TUBB1: variants seen among roughly 807,000 people sequenced by gnomAD.
TUBB1 encodes tubulin beta 1 class VI.
TUBB1 carries 28 observed loss-of-function variants against 22.6 expected under a neutral mutation model. The observed-to-expected ratio is 1.24, with a 90% CI of 0.92 to 1.70. TUBB1 has a LOEUF of 1.70. TUBB1 is among the 40% of genes most tolerant of loss of function. The pLI is 0.00. For missense variants in TUBB1, 577 were observed against 605.5 expected, an observed-to-expected ratio of 0.95 and a Z score of 0.49; for synonymous variants, 226 against 238.0, an observed-to-expected ratio of 0.95 and a Z score of 0.46.
At chr20:59,019,676 TA>T in intron 1 of TUBB1, 97 bp downstream of exon 1, 2 of 1,281,074 alleles carry the variant, frequency 1.6e-6, no homozygotes, top group Non-Finnish European at 2.3e-6. Flanking sequence ...ACAATAAGTC[TA>T]GCAGATTTAA....
chr20:59,018,410 G>A (rs1184655438), upstream of TUBB1, among the ~76,000 whole-genome samples: 4 of 151,058 alleles, frequency 2.6e-5, no homozygotes, highest in African/African-American at 9.7e-5. Context: ...ATGAGGGAAT[G>A]CTTTTTTTTT....
In TUBB1 at chr20:59,024,327, G is replaced by C. The variant is rs1303676205; in HGVS notation, c.900G>C (p.Met300Ile). The change falls in exon 4 of 4, where the codon ATG (methionine) becomes ATC (isoleucine). Residue 300 changes from methionine (M) to isoleucine (I), a missense_variant. By Grantham distance (10) the Met-to-Ile change is conservative (BLOSUM62 1). Transcript: ENST00000217133. This position sits in a 1 kb window ranked among gnomAD's most constrained non-coding sequence, Gnocchi z 4.9. ...AGATGTTCGATGCCCGCAATACCAT[G>C]GCTGCCTGTGACCTCCGCCGTGGCC... ...TQQMFDARNT[M>I]AACDLRRGRY... The C allele has an allele frequency of 6.2e-7, 1 of 1,613,634 alleles. No homozygotes were observed. The highest frequency in any genetic ancestry group is 1.3e-5 in the African/African-American group (1 of 74,920).
Position 59,023,791 on chromosome 20 carries a change from C to A in TUBB1, c.364C>A (p.His122Asn). ...CGAGAATGTCCTAGAGGTGGTGAGG[C>A]ACGAGAGTGAGAGCTGTGACTGCCT... ...LIENVLEVVR[H>N]ESESCDCLQG... Residue 122 changes from histidine (H) to asparagine (N), a missense_variant, in exon 4 of 4, where the codon CAC becomes AAC. By Grantham distance (68) the His-to-Asn change is moderately conservative (BLOSUM62 1). Coordinates refer to ENST00000217133, the MANE Select transcript of TUBB1 (RefSeq NM_030773.4). The A allele has an allele frequency of 1.9e-6, 3 of 1,614,184 alleles. No individual in the cohort carries two copies. Among genetic ancestry groups the A allele is most frequent in the Non-Finnish European group, 2.5e-6 (3 of 1,180,020 alleles).
chr20:59,022,229 G>A (rs2091970732), intron 1 of TUBB1, among the ~76,000 whole-genome samples: 1 of 147,370 alleles, frequency 6.8e-6, no homozygotes. Context: ...CAGCTACTCA[G>A]GAGGCTGAGG....
Position 59,019,556 on chromosome 20 carries a change from TG to T in TUBB1, c.35del (p.Cys12LeufsTer12), listed in dbSNP as rs773248042. 61 of 1,614,102 alleles carry T rather than the reference TG, an allele frequency of 3.8e-5. No homozygotes were observed. Among genetic ancestry groups the T allele is most frequent in the Admixed American group, 6.7e-5 (4 of 60,004 alleles). The stretch of plus-strand genomic sequence containing the variant: ...AATTGTCCATATTCAGATTGGCCAG[TG>T]TGGCAACCAGATCGGAGCCAAGGTA... ...REIVHIQIGQ[C>X]GNQIGAKFWE... On this transcript the variant is annotated frameshift_variant, in exon 1 of 4. Coordinates refer to ENST00000217133, the MANE Select transcript of TUBB1 (RefSeq NM_030773.4). LOFTEE classifies it high-confidence loss of function.
At chr20:59,023,099 GT>G (rs1411941950) in intron 2 of TUBB1, 146 bp downstream of exon 2, 2 of 797,410 alleles carry the variant, frequency 2.5e-6, no homozygotes, top group Non-Finnish European at 4.2e-6. Flanking sequence ...TCCTAGAGTG[GT>G]GGGTCCCCAA....
At position 59,024,870 on chromosome 20, in the gene TUBB1, C is replaced by G. The variant is rs1181757764; in HGVS notation, c.*87C>G. 1.7e-6 allele frequency: 2 copies of G among 1,191,068 alleles called. No individual in the cohort carries two copies. Among genetic ancestry groups the G allele is most frequent in the Non-Finnish European group, 2.5e-6 (2 of 805,434 alleles). 73.8% of individuals were successfully genotyped at this position (1,191,068 alleles called of 1,614,324 possible). A position where few individuals can be genotyped will look rare whatever the true frequency, so the allele number is the denominator to read the frequency against. On this transcript the variant is annotated 3_prime_UTR_variant, in exon 4 of 4. Transcript: ENST00000217133. The surrounding 1 kb of genome is among the most constrained non-coding windows in gnomAD (Gnocchi z 4.9). ...CTCCTGCAGCACTCCAAAACCCACTCTGCACTGCAGCACAGTGAATGATAT... is the reference window on the plus strand; with the variant it reads ...CTCCTGCAGCACTCCAAAACCCACTGTGCACTGCAGCACAGTGAATGATAT...
upstream of TUBB1, chr20:59,019,378 G>A (rs1217282825): frequency 1.1e-6 from 1 of 889,240 alleles, no homozygotes; most frequent in South Asian, 1.4e-5. Flanking sequence ...ACACACCCTT[G>A]GTCACATTGT....
chr20:59,021,580 C>G (rs1463736457), intron 1 of TUBB1, among the ~76,000 whole-genome samples: 1 of 152,160 alleles, frequency 6.6e-6, no homozygotes, highest in Non-Finnish European at 1.5e-5. Flanking sequence ...ATATTAAGAG[C>G]TTGGCACATA....
upstream of TUBB1, among the ~76,000 whole-genome samples, chr20:59,017,102 G>A (rs1184785368): frequency 1.3e-5 from 2 of 152,186 alleles, no homozygotes; most frequent in South Asian, 2.1e-4. Flanking sequence ...GCATCAAAAC[G>A]ACCTTGAAGC....
In TUBB1 at chr20:59,024,231, C is replaced by G. The variant is rs779608743; in HGVS notation, c.804C>G (p.Pro268=). Residue 268 remains proline, a synonymous_variant, in exon 4 of 4, where the codon CCC becomes CCG. Coordinates refer to ENST00000217133, the MANE Select transcript of TUBB1 (RefSeq NM_030773.4). The surrounding 1 kb of genome is among the most constrained non-coding windows in gnomAD (Gnocchi z 4.9). ...VPFPRLHFFM[P]GFAPLTAQGS... ...TCCCCCGCCTGCACTTCTTTATGCCCGGCTTTGCCCCACTCACGGCCCAGG... is the reference window on the plus strand; with the variant it reads ...TCCCCCGCCTGCACTTCTTTATGCCGGGCTTTGCCCCACTCACGGCCCAGG... The G allele has an allele frequency of 3.1e-6, 5 of 1,613,964 alleles. No homozygotes were observed. The South Asian group carries it at 5.5e-5, about 18-fold the overall frequency.
chr20:59,024,352 CG>C lies in TUBB1; in HGVS notation c.926del (p.Arg309ProfsTer53). The C allele has an allele frequency of 1.9e-6, 3 of 1,614,128 alleles. No individual in the cohort carries two copies. Among genetic ancestry groups the C allele is most frequent in the Non-Finnish European group, 2.5e-6 (3 of 1,180,032 alleles). Reference protein sequence around the residue: ...TMAACDLRRGRYLTVACIFRG... With the variant: ...TMAACDLRRGXYLTVACIFRG... Reference sequence around the variant, plus strand: ...GGCTGCCTGTGACCTCCGCCGTGGCCGCTACCTCACAGTGGCCTGCATTTTC... The same window carrying C: ...GGCTGCCTGTGACCTCCGCCGTGGCCCTACCTCACAGTGGCCTGCATTTTC... On this transcript the variant is annotated frameshift_variant, in exon 4 of 4. Coordinates refer to ENST00000217133, the MANE Select transcript of TUBB1 (RefSeq NM_030773.4). LOFTEE classifies it low-confidence loss of function (END_TRUNC). The surrounding 1 kb of genome is among the most constrained non-coding windows in gnomAD (Gnocchi z 4.9).
Position 59,023,589 on chromosome 20 carries a change from G to A in TUBB1, c.266G>A (p.Ser89Asn). 2 of 1,614,174 alleles carry A rather than the reference G, an allele frequency of 1.2e-6. No individual in the cohort carries two copies. Among genetic ancestry groups the A allele is most frequent in the Non-Finnish European group, 1.7e-6 (2 of 1,180,028 alleles). The change falls in exon 3 of 4, where the codon AGT (serine) becomes AAT (asparagine). Residue 89 changes from serine to asparagine, a missense_variant. By Grantham distance (46) the Ser-to-Asn change is conservative. Coordinates refer to ENST00000217133, the MANE Select transcript of TUBB1 (RefSeq NM_030773.4). ...SKLGALFQPDSFVHGNSGAGN... is the reference protein window; with the variant it reads ...SKLGALFQPDNFVHGNSGAGN... Reference sequence around the variant, plus strand: ...TTAGGAGCTCTCTTTCAACCCGACAGTTTTGTCCATGGTATGTTTTTCCAG... The same window carrying A: ...TTAGGAGCTCTCTTTCAACCCGACAATTTTGTCCATGGTATGTTTTTCCAG...
In TUBB1 at chr20:59,019,527, G is replaced by C; in HGVS notation, c.5G>C (p.Arg2Pro). 1 of 1,614,172 alleles carries C rather than the reference G, an allele frequency of 6.2e-7. No individual in the cohort carries two copies. The highest frequency in any genetic ancestry group is 8.5e-7 in the Non-Finnish European group (1 of 1,180,030). ...AGACTTGGGCTCAGAGCAAGGATGC[G>C]TGAAATTGTCCATATTCAGATTGGC... M[R>P]EIVHIQIGQC... Residue 2 changes from arginine to proline, a missense_variant, in exon 1 of 4, where the codon CGT (arginine) becomes CCT (proline). By Grantham distance (103) the Arg-to-Pro change is moderately radical. Coordinates refer to ENST00000217133, the MANE Select transcript of TUBB1 (RefSeq NM_030773.4).
upstream of TUBB1, among the ~76,000 whole-genome samples, chr20:59,018,609 A>G (rs1308395164): frequency 6.6e-6 from 1 of 152,122 alleles, no homozygotes; most frequent in South Asian, 2.1e-4. Context: ...GGGTTTCGCC[A>G]TGTTGGCCAG....
In TUBB1 at chr20:59,024,080, C is replaced by G; in HGVS notation, c.653C>G (p.Thr218Arg). The G allele has an allele frequency of 6.2e-7, 1 of 1,614,194 alleles. No individual in the cohort carries two copies. Among genetic ancestry groups the G allele is most frequent in the Non-Finnish European group, 8.5e-7 (1 of 1,180,040 alleles). Residue 218 changes from threonine to arginine, a missense_variant, in exon 4 of 4, where the codon ACG becomes AGG. Transcript: ENST00000217133. This position sits in a 1 kb window ranked among gnomAD's most constrained non-coding sequence, Gnocchi z 4.9. The part of the protein sequence containing the change: ...YDICFRTLKL[T>R]TPTYGDLNHL... ...ATCTGCTTCCGTACCCTGAAGCTGA[C>G]GACACCCACCTATGGGGATCTCAAC...
rs1229245796 is a variant in TUBB1 at position 59,025,522 on chromosome 20, T to C, written c.*739T>C. ...CTGAAGAGCTAGCCTTTAACATATA[T>C]GTTTATATAGTTTAAATTTCTTACT... is the stretch of plus-strand genomic sequence containing the variant. On this transcript the variant is annotated 3_prime_UTR_variant, in exon 4 of 4. Transcript: ENST00000217133. 6.6e-6 allele frequency: 1 copy of C among 152,378 alleles called. No individual in the cohort carries two copies. The highest frequency in any genetic ancestry group is 1.5e-5 in the Non-Finnish European group (1 of 68,158). 9.4% of individuals were successfully genotyped at this position (152,378 alleles called of 1,614,324 possible).
At chr20:59,019,224 TA>T (rs1242023767), upstream of TUBB1, 1 of 475,038 alleles carries the variant, frequency 2.1e-6, no homozygotes, top group Non-Finnish European at 3.9e-6. Context: ...AGGTGGCCTT[TA>T]ATCTTGCACT....
intron 2 of TUBB1, 93 bp from the exon 3 acceptor site, chr20:59,023,397 T>A (rs2091977250): frequency 2.5e-6 from 3 of 1,178,492 alleles, no homozygotes; most frequent in East Asian, 4.7e-5. Context: ...TATCCATGAT[T>A]TTTTTTGGAC....
Sources: allele counts gnomAD v4.1 joint callset (sites outside exome capture counted in the v4.1 genomes callset), GRCh38; gene constraint gnomAD v4.1.1; non-coding constraint Gnocchi (gnomAD v3.1); transcripts MANE v1.5; gene names NCBI Gene and HGNC (gene_info 2026-07-23, HGNC 2026-07-21).